Variants in VAMP7 observed in about 807,000 individuals in gnomAD.
The protein encoded by VAMP7 is vesicle-associated membrane protein 7.
VAMP7 carries 14 observed loss-of-function variants against 29.6 expected under a neutral mutation model. The ratio of observed to expected loss-of-function variants is 0.47; its 90% CI spans 0.31 to 0.74. The LOEUF (loss-of-function observed/expected upper bound fraction) is 0.74. Among genes scored for constraint, VAMP7 ranks in the 30% least tolerant of loss-of-function variants. The pLI is 0.05. For missense variants in VAMP7, 223 were observed against 262.4 expected (o/e 0.85, Z 1.04); for synonymous variants, 95 against 88.1 (o/e 1.08, Z -0.44).
intron 1 of VAMP7, among the ~76,000 whole-genome samples, chrX:155,886,068 A>G (rs1457861653): frequency 6.6e-6 from 1 of 152,048 alleles, no homozygotes; most frequent in Admixed American, 6.6e-5. Flanking sequence ...GCTTTCCTTT[A>G]TGTTGCATTA....
At chrX:155,911,165 T>C (rs2066232046) in intron 5 of VAMP7, among the ~76,000 whole-genome samples, 1 of 152,190 alleles carries the variant, frequency 6.6e-6, no homozygotes, top group African/African-American at 2.4e-5. Flanking sequence ...GATATCCAGT[T>C]TTCCCAATAC....
intron 3 of VAMP7, 113 bp from the exon 4 acceptor site, chrX:155,897,999 C>A (rs2066008638): frequency 7.5e-7 from 1 of 1,340,566 alleles, no homozygotes; most frequent in East Asian, 2.3e-5. Flanking sequence ...GCTAGTTCCT[C>A]CTCAGATAAT....
intron 6 of VAMP7, among the ~76,000 whole-genome samples, chrX:155,936,086 G>T (rs750425056): frequency 6.7e-6 from 1 of 148,212 alleles, no homozygotes; most frequent in African/African-American, 2.5e-5. Flanking sequence ...GGTACCCGCC[G>T]TGTGAGGTGT....
chrX:155,910,471 C>T (rs1461157744), intron 5 of VAMP7, among the ~76,000 whole-genome samples: 1 of 152,090 alleles, frequency 6.6e-6, no homozygotes, highest in Non-Finnish European at 1.5e-5. Flanking sequence ...CATAAATACC[C>T]AGTAGTAGGA....
intron 5 of VAMP7, among the ~76,000 whole-genome samples, chrX:155,917,084 T>C (rs997910932): frequency 1.3e-5 from 2 of 152,220 alleles, no homozygotes; most frequent in African/African-American, 4.8e-5. Context: ...TAATCTTGTC[T>C]TCACACTTTA....
In VAMP7 at chrX:155,881,389, C is replaced by T. The variant is rs1048582416; in HGVS notation, c.-69C>T. ...CTCTGGGAGCGGGCAGTTGGCGACC[C>T]TGCACTGACCCGCGTCCCTCCGTCC... On this transcript the variant is annotated 5_prime_UTR_variant, in exon 1 of 8. Transcript: ENST00000286448. 6 of 152,464 alleles carry T rather than the reference C, an allele frequency of 3.9e-5. No homozygotes were observed. The highest frequency in any genetic ancestry group is 1.2e-4 in the African/African-American group (5 of 41,578). 9.4% of individuals were successfully genotyped at this position (152,464 alleles called of 1,614,324 possible). A position where few individuals can be genotyped will look rare whatever the true frequency, so the allele number is the denominator to read the frequency against.
chrX:155,907,843 G>A (rs1407008355), intron 5 of VAMP7, among the ~76,000 whole-genome samples: 5 of 152,086 alleles, frequency 3.3e-5, no homozygotes, highest in African/African-American at 1.2e-4. Context: ...CTTCGCAGAC[G>A]GGGCGGCTGC....
intron 1 of VAMP7, among the ~76,000 whole-genome samples, chrX:155,883,915 A>AT (rs1047823789): frequency 6.6e-6 from 1 of 151,070 alleles, no homozygotes; most frequent in Non-Finnish European, 1.5e-5. Context: ...GGATTTCACC[A>AT]TTTTTGGTCA....
intron 5 of VAMP7, among the ~76,000 whole-genome samples, chrX:155,903,468 C>G (rs2066099073): frequency 6.6e-6 from 1 of 152,092 alleles, no homozygotes; most frequent in African/African-American, 2.4e-5. Context: ...TGACAAAGAG[C>G]TAATATCCAG....
chrX:155,898,356 T>C (rs2066015207), intron 4 of VAMP7, 107 bp downstream of exon 4: 1 of 1,415,678 alleles, frequency 7.1e-7, no homozygotes, highest in South Asian at 1.5e-5. Context: ...TCTGATTGTG[T>C]TACTGTAAGC....
chrX:155,886,470 C>T (rs867856480), intron 1 of VAMP7, among the ~76,000 whole-genome samples: 1 of 152,274 alleles, frequency 6.6e-6, no homozygotes, highest in Non-Finnish European at 1.5e-5. Context: ...ACACTACTTG[C>T]GTATAACTTA....
chrX:155,895,593 A>G, intron 2 of VAMP7, 30 bp from the exon 3 acceptor site: 1 of 1,549,840 alleles, frequency 6.5e-7, no homozygotes, highest in Non-Finnish European at 8.9e-7. Context: ...GCTTATAACC[A>G]CAGTAAGTTT....
At chrX:155,907,751 C>T (rs1602955325) in intron 5 of VAMP7, among the ~76,000 whole-genome samples, 1 of 152,304 alleles carries the variant, frequency 6.6e-6, no homozygotes, top group Admixed American at 6.5e-5. Flanking sequence ...CACAAAACCG[C>T]CATTGTCATC....
chrX:155,887,666 T>C (rs28495943), intron 1 of VAMP7, among the ~76,000 whole-genome samples: 14,951 of 152,060 alleles, frequency 0.098, 1,487 homozygotes, highest in African/African-American at 0.26. Flanking sequence ...CGGTGGCTCA[T>C]GCCTGTAATC....
intron 2 of VAMP7, among the ~76,000 whole-genome samples, chrX:155,895,147 T>A (rs1372227653): frequency 6.6e-6 from 1 of 152,186 alleles, no homozygotes; most frequent in Non-Finnish European, 1.5e-5. Context: ...AGACTGGGAC[T>A]TGGTGGTTTT....
intron 6 of VAMP7, among the ~76,000 whole-genome samples, chrX:155,931,900 G>T (rs1299101835): frequency 6.6e-6 from 1 of 152,096 alleles, no homozygotes; most frequent in East Asian, 1.9e-4. Context: ...TGTAAGGAAG[G>T]GATCCAGTTT....
At chrX:155,923,865 T>C (rs1055304043) in intron 6 of VAMP7, among the ~76,000 whole-genome samples, 10 of 152,152 alleles carry the variant, frequency 6.6e-5, no homozygotes, top group African/African-American at 2.4e-4. Context: ...TCTTCAAGTT[T>C]ACTTACCTTT....
In VAMP7 at chrX:155,890,505, C is replaced by T. The variant is rs757253944; in HGVS notation, c.146+893C>T. On this transcript the variant is annotated intron_variant, in intron 2 of 7. Coordinates refer to ENST00000286448, the MANE Select transcript of VAMP7 (RefSeq NM_005638.6). ...CCTCCTGAGTAGCTGGGATTACAGGCGTGCACCACCATGCCCAGCTAATTT... is the reference window on the plus strand; with the variant it reads ...CCTCCTGAGTAGCTGGGATTACAGGTGTGCACCACCATGCCCAGCTAATTT... 2.3e-3 allele frequency among the ~76,000 whole-genome samples: 354 copies of T among 152,146 alleles called. 2 individuals are homozygous for T. Among genetic ancestry groups the T allele is most frequent in the Non-Finnish European group, 3.1e-3 (212 of 68,010 alleles).
intron 1 of VAMP7, among the ~76,000 whole-genome samples, chrX:155,886,846 T>C (rs1359016197): frequency 6.6e-6 from 1 of 152,238 alleles, no homozygotes; most frequent in Non-Finnish European, 1.5e-5. Context: ...CGTTGGTTCA[T>C]AATGAACTTA....
Sources: allele counts gnomAD v4.1 joint callset (sites outside exome capture counted in the v4.1 genomes callset), GRCh38; gene constraint gnomAD v4.1.1; transcripts MANE v1.5; gene names NCBI Gene and HGNC (gene_info 2026-07-23, HGNC 2026-07-21).